KCNG4: variants seen among roughly 807,000 people sequenced by gnomAD.
The protein encoded by KCNG4 is potassium voltage-gated channel modifier subfamily G member 4.
Under a neutral mutation model 28.2 loss-of-function variants are expected in KCNG4, and 30 were observed. The ratio of observed to expected loss-of-function variants is 1.06; its 90% CI spans 0.80 to 1.44. The LOEUF (loss-of-function observed/expected upper bound fraction) is 1.44. KCNG4 is among the 40% of genes most tolerant of loss of function. The pLI is 0.00. For synonymous variants in KCNG4, 375 were observed against 315.5 expected (o/e 1.19, Z -2.00); for missense variants, 879 against 712.3 (o/e 1.23, Z -2.66).
rs1878440760 is a variant in KCNG4 at position 84,222,097 on chromosome 16, C to A, written c.*120G>T. ...CCTCTGTGGCCTTATGCCCCTCCAG[C>A]TTTGAAAGTCTTCCCTGGGCTCTAG... On this transcript the variant is annotated 3_prime_UTR_variant, in exon 3 of 3. Transcript: ENST00000308251. 1 of 1,120,406 alleles carries A rather than the reference C, an allele frequency of 8.9e-7. No individual in the cohort carries two copies. The highest frequency in any genetic ancestry group is 1.3e-6 in the Non-Finnish European group (1 of 767,200). 69.4% of individuals were successfully genotyped at this position (1,120,406 alleles called of 1,614,324 possible). A position where few individuals can be genotyped will look rare whatever the true frequency, so the allele number is the denominator to read the frequency against.
chr16:84,237,598 C>A (rs527866182), intron 1 of KCNG4, 73 bp from the exon 2 acceptor site: 2 of 1,041,622 alleles, frequency 1.9e-6, no homozygotes, highest in Admixed American at 3.0e-5. Context: ...CTGGATGTCA[C>A]GACTGCAGAT....
chr16:84,223,033 G>C lies in KCNG4; in HGVS notation c.757-13C>G. 6.6e-7 allele frequency: 1 copy of C among 1,515,994 alleles called. No homozygotes were observed. The highest frequency in any genetic ancestry group is 8.8e-7 in the Non-Finnish European group (1 of 1,131,626). 93.9% of individuals were successfully genotyped at this position (1,515,994 alleles called of 1,614,324 possible). A position where few individuals can be genotyped will look rare whatever the true frequency, so the allele number is the denominator to read the frequency against. On this transcript the variant is annotated splice_polypyrimidine_tract_variant and intron_variant, in intron 2 of 2. Transcript: ENST00000308251. ...GAGAGCATTCGCCCTGCGGGGAGAA[G>C]AGGCAACAACGCGGGGTAGAGAGTG...
At chr16:84,232,713 C>T (rs58994274) in intron 2 of KCNG4, among the ~76,000 whole-genome samples, 1 of 151,540 alleles carries the variant, frequency 6.6e-6, no homozygotes, top group Admixed American at 6.6e-5. Context: ...CAGCCTGGCC[C>T]ACATGGTGAA....
At chr16:84,227,541 C>A (rs1354302019) in intron 2 of KCNG4, among the ~76,000 whole-genome samples, 2 of 152,138 alleles carry the variant, frequency 1.3e-5, no homozygotes, top group Non-Finnish European at 2.9e-5. Context: ...TGTGCCACTG[C>A]ACTGCAGCCT....
chr16:84,234,604 T>C (rs1009073571), intron 2 of KCNG4, among the ~76,000 whole-genome samples: 3 of 152,244 alleles, frequency 2.0e-5, no homozygotes, highest in African/African-American at 7.2e-5. Flanking sequence ...CCATTGTTTC[T>C]GTTTCTGATG....
intron 2 of KCNG4, among the ~76,000 whole-genome samples, chr16:84,231,886 C>G (rs2151338732): frequency 6.6e-6 from 1 of 152,052 alleles, no homozygotes; most frequent in South Asian, 2.1e-4. Flanking sequence ...TGCCTATAAT[C>G]CCAGCTACGT....
chr16:84,236,964 C>T lies in KCNG4; in HGVS notation c.522G>A (p.Glu174=), dbSNP rs746941345. ...CGTCCTCCCTGTGCAGCTTGGCCAG[C>T]TCCTCCAGCTCCTCCAGCTTCCTCA... is the stretch of plus-strand genomic sequence containing the variant. ...KLLRKLEELE[E]LAKLHREDVL... Residue 174 remains glutamate (E), a synonymous_variant, in exon 2 of 3, where the codon GAG becomes GAA. Transcript: ENST00000308251. 1.4e-5 allele frequency: 22 copies of T among 1,613,130 alleles called. 1 individual carries two copies. In the South Asian group the frequency reaches 2.3e-4, roughly 17 times the overall value.
Position 84,222,213 on chromosome 16 carries a change from T to C in KCNG4, c.*4A>G. The C allele has an allele frequency of 1.2e-6, 2 of 1,613,706 alleles. No individual in the cohort carries two copies. The highest frequency in any genetic ancestry group is 1.7e-6 in the Non-Finnish European group (2 of 1,179,816). On this transcript the variant is annotated 3_prime_UTR_variant, in exon 3 of 3. Coordinates refer to ENST00000308251, the MANE Select transcript of KCNG4 (RefSeq NM_172347.3). Reference sequence around the variant, plus strand: ...GTTACCATGTAGTCATGGGGGGTGCTGAGTTACATGTGCATGATAGGCAAG... The same window carrying C: ...GTTACCATGTAGTCATGGGGGGTGCCGAGTTACATGTGCATGATAGGCAAG...
intron 2 of KCNG4, among the ~76,000 whole-genome samples, chr16:84,233,005 G>C (rs1904862773): frequency 6.6e-6 from 1 of 152,016 alleles, no homozygotes; most frequent in Non-Finnish European, 1.5e-5. Flanking sequence ...TTAGTAGGCA[G>C]TCAATGACTG....
chr16:84,222,015 G>T lies in KCNG4; in HGVS notation c.*202C>A. 1.6e-6 allele frequency: 1 copy of T among 608,044 alleles called. No homozygotes were observed. Among genetic ancestry groups the T allele is most frequent in the East Asian group, 2.8e-5 (1 of 36,040 alleles). 37.7% of individuals were successfully genotyped at this position (608,044 alleles called of 1,614,324 possible). On this transcript the variant is annotated 3_prime_UTR_variant, in exon 3 of 3. Coordinates refer to ENST00000308251, the MANE Select transcript of KCNG4 (RefSeq NM_172347.3). ...AGAGAGAGGAAAAGGCAAGCAGGCT[G>T]GACACAGTCAGCCTGGGACATCGGG... is the stretch of plus-strand genomic sequence containing the variant.
At chr16:84,225,205 C>T (rs1371276084) in intron 2 of KCNG4, among the ~76,000 whole-genome samples, 1 of 150,558 alleles carries the variant, frequency 6.6e-6, no homozygotes, top group African/African-American at 2.4e-5. Flanking sequence ...ATTCTCCAGC[C>T]CACCGAGAGG....
In KCNG4 at chr16:84,223,127, G is replaced by A. The variant is rs537821736; in HGVS notation, c.757-107C>T. ...TGAGCTTTGTGCTGTAAACTTAGTCGTCCACCAGAACCTCCTTTTACACAG... is the reference window on the plus strand; with the variant it reads ...TGAGCTTTGTGCTGTAAACTTAGTCATCCACCAGAACCTCCTTTTACACAG... On this transcript the variant is annotated intron_variant, in intron 2 of 2. Transcript: ENST00000308251. 9.8e-5 allele frequency: 86 copies of A among 878,612 alleles called. 3 individuals are homozygous for A. The South Asian group carries it at 1.3e-3, about 14-fold the overall frequency. The allele number at this position is 878,612 out of a possible 1,614,324, so 54.4% of individuals were successfully genotyped here. A position where few individuals can be genotyped will look rare whatever the true frequency, so the allele number is the denominator to read the frequency against.
Position 84,236,930 on chromosome 16 carries a change from G to A in KCNG4, c.556C>T (p.Gln186Ter), listed in dbSNP as rs769073608. The change falls in exon 2 of 3, where the codon CAG (glutamine) becomes TAG (stop). Residue 186 changes from glutamine to a stop codon, truncating the protein, a stop_gained. Transcript: ENST00000308251. LOFTEE classifies it high-confidence loss of function. ...AKLHREDVLRQQRETRRPASH... is the reference protein window; with the variant it reads ...AKLHREDVLR The stretch of plus-strand genomic sequence containing the variant: ...GCGGGGCGGCGGGTCTCCCTCTGCT[G>A]CCTCAGTACGTCCTCCCTGTGCAGC... The A allele has an allele frequency of 1.9e-6, 3 of 1,613,476 alleles. No homozygotes were observed. Among genetic ancestry groups the A allele is most frequent in the South Asian group, 1.1e-5 (1 of 91,086 alleles).
Position 84,225,522 on chromosome 16 carries a change from C to T in KCNG4, c.757-2502G>A, listed in dbSNP as rs778040383. Reference sequence around the variant, plus strand: ...ACATTTTGGTAACTCCCCCCATTCACTCTGAGGCACCTGGAAGGTTTTCAG... The same window carrying T: ...ACATTTTGGTAACTCCCCCCATTCATTCTGAGGCACCTGGAAGGTTTTCAG... On this transcript the variant is annotated intron_variant, in intron 2 of 2. Coordinates refer to ENST00000308251, the MANE Select transcript of KCNG4 (RefSeq NM_172347.3). 2.0e-5 allele frequency among the ~76,000 whole-genome samples: 3 copies of T among 152,376 alleles called. No individual in the cohort carries two copies. The East Asian group carries it at 5.8e-4, about 29-fold the overall frequency.
chr16:84,233,659 A>T (rs1184396949), intron 2 of KCNG4, among the ~76,000 whole-genome samples: 1 of 152,138 alleles, frequency 6.6e-6, no homozygotes, highest in Non-Finnish European at 1.5e-5. Context: ...AGCTGCCAAG[A>T]TCATGCCACT....
intron 1 of KCNG4, among the ~76,000 whole-genome samples, chr16:84,239,147 C>T (rs1472334134): frequency 6.6e-6 from 1 of 152,158 alleles, no homozygotes; most frequent in Non-Finnish European, 1.5e-5. Flanking sequence ...ATCAAAGTTC[C>T]TCTCAATTTC....
intron 2 of KCNG4, chr16:84,235,412 C>G (rs1904922879): frequency 6.6e-6 from 1 of 152,154 alleles, no homozygotes; most frequent in South Asian, 2.1e-4. Context: ...AACAAGCAGG[C>G]TCTTAAATCT....
Position 84,232,271 on chromosome 16 carries a change from G to A in KCNG4, c.756+4459C>T, listed in dbSNP as rs557052247. ...CCATGAAGAGGAATGAAGGTCTGAC[G>A]CATGGCACAGTGCATGGACCTTGAA... On this transcript the variant is annotated intron_variant, in intron 2 of 2. Transcript: ENST00000308251. Among the ~76,000 whole-genome samples, 76 of 152,302 alleles carry A rather than the reference G, an allele frequency of 5.0e-4. 1 individual carries two copies. The South Asian group carries it at 0.014, about 27-fold the overall frequency.
chr16:84,237,626 C>T (rs1303354990), intron 1 of KCNG4, 101 bp from the exon 2 acceptor site: 1 of 708,452 alleles, frequency 1.4e-6, no homozygotes, highest in Non-Finnish European at 2.1e-6. Flanking sequence ...CGTGTGCTTT[C>T]CTGTGACTGC....
Sources: allele counts gnomAD v4.1 joint callset (sites outside exome capture counted in the v4.1 genomes callset), GRCh38; gene constraint gnomAD v4.1.1; transcripts MANE v1.5; gene names NCBI Gene and HGNC (gene_info 2026-07-23, HGNC 2026-07-21).